The following SCAF11 variants were observed in gnomAD, a reference collection of about 807,000 sequenced individuals.
The protein encoded by SCAF11 is SR-related CTD associated factor 11, also known as protein SCAF11.
Under a neutral mutation model 140.5 loss-of-function variants are expected in SCAF11, and 47 were observed. The observed-to-expected ratio is 0.33, with a 90% CI of 0.26 to 0.43. SCAF11 has a LOEUF of 0.43. SCAF11 is among the 20% of genes least tolerant of loss of function. The pLI is 1.00. For missense variants in SCAF11, 1,645 were observed against 1,705.1 expected (o/e 0.96, Z 0.62); for synonymous variants, 557 against 579.4 (o/e 0.96, Z 0.55).
At chr12:45,945,975 GCCA>G (rs762320316) in intron 5 of SCAF11, among the ~76,000 whole-genome samples, 1 of 152,058 alleles carries the variant, frequency 6.6e-6, no homozygotes, top group Non-Finnish European at 1.5e-5. Context: ...ACAGGCATGA[GCCA>G]CCACGTCTGG....
At chr12:45,968,133 C>T (rs193038413) in intron 1 of SCAF11, among the ~76,000 whole-genome samples, 273 of 152,222 alleles carry the variant, frequency 1.8e-3, no homozygotes, top group Middle Eastern at 0.01. Context: ...TTATATTCTA[C>T]CTATACTACT....
chr12:45,954,156 C>T (rs988742950), intron 3 of SCAF11, among the ~76,000 whole-genome samples: 1 of 152,174 alleles, frequency 6.6e-6, no homozygotes, highest in African/African-American at 2.4e-5. Flanking sequence ...TCAAATCATA[C>T]AATCTCATTT....
intron 3 of SCAF11, 150 bp from the exon 4 acceptor site, chr12:45,951,877 A>G (rs1228221032): frequency 3.8e-6 from 2 of 530,244 alleles, no homozygotes; most frequent in East Asian, 3.1e-5. Flanking sequence ...CATTCATTCA[A>G]ACATTTACTG....
At chr12:45,940,128 T>C (rs1380769868) in intron 6 of SCAF11, among the ~76,000 whole-genome samples, 1 of 152,030 alleles carries the variant, frequency 6.6e-6, no homozygotes, top group Non-Finnish European at 1.5e-5. Flanking sequence ...AGAAACCTCA[T>C]AAGAAATGTG....
At chr12:45,947,537 A>T (rs1012252908) in intron 5 of SCAF11, among the ~76,000 whole-genome samples, 1 of 152,252 alleles carries the variant, frequency 6.6e-6, no homozygotes, top group East Asian at 1.9e-4. Flanking sequence ...ATGTTGTGCT[A>T]TACTATTAGG....
chr12:45,949,454 ATTT>A (rs1565674885), intron 4 of SCAF11, among the ~76,000 whole-genome samples: 1 of 152,090 alleles, frequency 6.6e-6, no homozygotes, highest in Non-Finnish European at 1.5e-5. Context: ...AATTTATTTC[ATTT>A]TTTTATTATT....
intron 1 of SCAF11, among the ~76,000 whole-genome samples, chr12:45,979,079 G>A (rs1478745740): frequency 1.7e-5 from 2 of 118,570 alleles, no homozygotes; most frequent in Non-Finnish European, 3.5e-5. Flanking sequence ...ATTAGGTGGT[G>A]GGGCTTTTAG....
rs758793682 is a variant in SCAF11 at position 45,928,553 on chromosome 12, G to C, written c.1148C>G (p.Pro383Arg). The stretch of plus-strand genomic sequence containing the variant: ...CCGAAGTTTCTTTTTCAGTAAAGGT[G>C]GTTTTCTTCCTCTTCTTACAGACTT... ...KRKSVRRGRK[P>R]PLLKKKLRSS... is the part of the protein sequence containing the mutation. Residue 383 changes from proline to arginine, a missense_variant, in exon 11 of 15, where the codon CCA becomes CGA. Physicochemically the swap from Pro to Arg is moderately radical, Grantham distance 103. Transcript: ENST00000369367. 1.9e-5 allele frequency: 31 copies of C among 1,614,094 alleles called. No homozygotes were observed. Among genetic ancestry groups the C allele is most frequent in the Non-Finnish European group, 2.5e-5 (30 of 1,180,008 alleles).
At chr12:45,972,897 T>TAG (rs1592218169) in intron 1 of SCAF11, among the ~76,000 whole-genome samples, 6 of 64,850 alleles carry the variant, frequency 9.3e-5, no homozygotes, top group Non-Finnish European at 1.4e-4. Context: ...TATATAGATA[T>TAG]ATATATATAT....
chr12:45,943,571 TAC>T (rs1411508787), intron 6 of SCAF11, among the ~76,000 whole-genome samples: 1 of 152,128 alleles, frequency 6.6e-6, no homozygotes, highest in African/African-American at 2.4e-5. Flanking sequence ...AAACAAAATA[TAC>T]ACAGAGTTTG....
intron 3 of SCAF11, among the ~76,000 whole-genome samples, chr12:45,959,374 T>C (rs1945772025): frequency 6.6e-6 from 1 of 152,180 alleles, no homozygotes; most frequent in African/African-American, 2.4e-5. Flanking sequence ...TTAAAAATCG[T>C]AAGTTTAGAA....
chr12:45,929,297 A>G (rs1944985168), intron 10 of SCAF11: 1 of 153,918 alleles, frequency 6.5e-6, no homozygotes, highest in African/African-American at 2.4e-5. Flanking sequence ...AGCTGGGACT[A>G]CAGGCATGCA....
chr12:45,990,109 G>A (rs1250277488), intron 1 of SCAF11, among the ~76,000 whole-genome samples: 2 of 150,714 alleles, frequency 1.3e-5, no homozygotes, highest in Non-Finnish European at 3.0e-5. Flanking sequence ...GGGCCGGGCC[G>A]AGCCTCCCTC....
rs1177647302 is a variant in SCAF11, at chr12:45,948,549, G to C, written c.298-12C>G. ...TTTTTTACTTGAACCTATGAGAAAA[G>C]CAAAATCAATTTAGAGCAACAATCC... On this transcript the variant is annotated splice_polypyrimidine_tract_variant and intron_variant, in intron 4 of 14. Coordinates refer to ENST00000369367, the MANE Select transcript of SCAF11 (RefSeq NM_004719.3). The C allele has an allele frequency of 6.6e-7, 1 of 1,516,458 alleles. No homozygotes were observed. The highest frequency in any genetic ancestry group is 2.3e-5 in the East Asian group (1 of 44,200). 93.9% of individuals were successfully genotyped at this position (1,516,458 alleles called of 1,614,324 possible).
chr12:45,972,901 T>TATAGATATATATATATATAG (rs1555171407), intron 1 of SCAF11, among the ~76,000 whole-genome samples: 1 of 26,512 alleles, frequency 3.8e-5, no homozygotes, highest in African/African-American at 1.5e-4. Flanking sequence ...TAGATATATA[T>TATAGATATATATATATATAG]ATATATAGAT....
intron 1 of SCAF11, among the ~76,000 whole-genome samples, chr12:45,969,701 C>A (rs1166445730): frequency 6.6e-6 from 1 of 152,166 alleles, no homozygotes; most frequent in East Asian, 1.9e-4. Flanking sequence ...TACTAAATAA[C>A]AACTAAATTG....
Position 45,928,521 on chromosome 12 carries a change from C to A in SCAF11, c.1180G>T (p.Val394Leu), listed in dbSNP as rs147499819. 1.5e-5 allele frequency: 24 copies of A among 1,613,960 alleles called. No homozygotes were observed. Among genetic ancestry groups the A allele is most frequent in the Non-Finnish European group, 1.9e-5 (23 of 1,180,000 alleles). ...GAAGATGATTTTTCAGGGGCAGCTA[C>A]AGAGCTCCGAAGTTTCTTTTTCAGT... ...PLLKKKLRSS[V>L]AAPEKSSSND... The change falls in exon 11 of 15, where the codon GTA (valine) becomes TTA (leucine). Residue 394 changes from valine (V) to leucine (L), a missense_variant. Val to Leu is a conservative substitution (Grantham distance 32). Around this residue, in one of 2 missense-constraint regions of SCAF11, gnomAD observed 1,582 missense variants for 1,609.2 expected, o/e 0.98. Coordinates refer to ENST00000369367, the MANE Select transcript of SCAF11 (RefSeq NM_004719.3).
In SCAF11 at chr12:45,919,564, CAA is replaced by C. The variant is rs1297985544; in HGVS notation, c.*2482_*2483del. Reference sequence around the variant, plus strand: ...GTTTCTGATTAAGTTTGTGCCCATGCAAAATTAACATAAATTTCTTAACTCAA... The same window carrying C: ...GTTTCTGATTAAGTTTGTGCCCATGCAATTAACATAAATTTCTTAACTCAA... On this transcript the variant is annotated 3_prime_UTR_variant, in exon 15 of 15. Transcript: ENST00000369367. The C allele has an allele frequency of 3.3e-5, 5 of 152,128 alleles. No homozygotes were observed. Among genetic ancestry groups the C allele is most frequent in the Non-Finnish European group, 7.4e-5 (5 of 68,010 alleles). The allele number at this position is 152,128 out of a possible 1,614,324, so 9.4% of individuals were successfully genotyped here.
intron 4 of SCAF11, among the ~76,000 whole-genome samples, chr12:45,950,208 A>G (rs933809015): frequency 6.6e-6 from 1 of 152,154 alleles, no homozygotes; most frequent in African/African-American, 2.4e-5. Context: ...ATAGAGGTAA[A>G]TGTTCTATGG....
Sources: allele counts gnomAD v4.1 joint callset (sites outside exome capture counted in the v4.1 genomes callset), GRCh38; gene constraint gnomAD v4.1.1; regional missense constraint gnomAD v4.1.1; transcripts MANE v1.5; gene names NCBI Gene and HGNC (gene_info 2026-07-23, HGNC 2026-07-21).